The following TRABD2B variants were observed in gnomAD, a reference collection of about 807,000 sequenced individuals.
TRABD2B encodes the protein TraB domain containing 2B.
In TRABD2B, 14 loss-of-function variants were observed where a neutral mutation model predicts 40.1. The ratio of observed to expected loss-of-function variants is 0.35; its 90% confidence interval spans 0.23 to 0.55. TRABD2B has a LOEUF of 0.55. Ranked by LOEUF, TRABD2B falls within the 20% of genes least tolerant of loss-of-function variation. TRABD2B has a pLI of 0.90. For synonymous variants in TRABD2B, 263 were observed against 277.0 expected (o/e 0.95, Z 0.50); for missense variants, 541 against 648.6 (o/e 0.83, Z 1.80).
At chr1:47,955,046 A>C (rs1166573055) in intron 2 of TRABD2B, among the ~76,000 whole-genome samples, 1 of 152,060 alleles carries the variant, frequency 6.6e-6, no homozygotes, top group Non-Finnish European at 1.5e-5. Flanking sequence ...TGTGGGATGG[A>C]AATGGAATTC....
chr1:47,897,802 T>A (rs1644544686), intron 2 of TRABD2B, among the ~76,000 whole-genome samples: 1 of 152,176 alleles, frequency 6.6e-6, no homozygotes, highest in South Asian at 2.1e-4. Flanking sequence ...CTACTCTACC[T>A]CTCTGAGCTT....
intron 2 of TRABD2B, among the ~76,000 whole-genome samples, chr1:47,899,756 G>A (rs79307120): frequency 0.029 from 4,490 of 152,216 alleles, 221 homozygotes; most frequent in African/African-American, 0.1. Flanking sequence ...AAATGATAAT[G>A]AGCCCTGGTT....
intron 2 of TRABD2B, among the ~76,000 whole-genome samples, chr1:47,888,465 AGAGAGGAG>A (rs1644402869): frequency 6.6e-6 from 1 of 152,188 alleles, no homozygotes; most frequent in African/African-American, 2.4e-5. Flanking sequence ...CACTGGCTGC[AGAGAGGAG>A]GAGCCTGTGG....
chr1:47,933,232 A>G (rs1050459606), intron 2 of TRABD2B, among the ~76,000 whole-genome samples: 11 of 151,290 alleles, frequency 7.3e-5, no homozygotes, highest in Non-Finnish European at 1.0e-4. Flanking sequence ...CAGCCTCCTG[A>G]GTAGCTGGGA....
chr1:47,890,513 A>G (rs1466417717), intron 2 of TRABD2B, among the ~76,000 whole-genome samples: 1 of 152,150 alleles, frequency 6.6e-6, no homozygotes, highest in Admixed American at 6.5e-5. Flanking sequence ...CCTGGGCATC[A>G]GTGTTCTACA....
chr1:47,905,695 C>T (rs1020491878), intron 2 of TRABD2B, among the ~76,000 whole-genome samples: 4 of 152,120 alleles, frequency 2.6e-5, no homozygotes, highest in African/African-American at 9.7e-5. Context: ...TCTCTGCCTC[C>T]TTCTCTCTCT....
intron 4 of TRABD2B, among the ~76,000 whole-genome samples, chr1:47,785,786 T>C (rs771361192): frequency 6.6e-6 from 1 of 152,222 alleles, no homozygotes; most frequent in Non-Finnish European, 1.5e-5. Flanking sequence ...AGTCACTCTT[T>C]ACAACATCCA....
At chr1:47,871,519 C>A (rs1157944608) in intron 2 of TRABD2B, among the ~76,000 whole-genome samples, 1 of 152,226 alleles carries the variant, frequency 6.6e-6, no homozygotes, top group Non-Finnish European at 1.5e-5. Flanking sequence ...ATGAACCGCC[C>A]TGAATGGCCG....
At chr1:47,792,024 A>G (rs1644680450) in intron 4 of TRABD2B, among the ~76,000 whole-genome samples, 1 of 152,158 alleles carries the variant, frequency 6.6e-6, no homozygotes, top group African/African-American at 2.4e-5. Context: ...TCCAGCTTGG[A>G]AATTCTTGGG....
intron 2 of TRABD2B, among the ~76,000 whole-genome samples, chr1:47,840,175 T>G (rs1439413479): frequency 6.6e-6 from 1 of 152,162 alleles, no homozygotes; most frequent in Non-Finnish European, 1.5e-5. Flanking sequence ...GGCACTATCA[T>G]GTAGGGACTG....
intron 2 of TRABD2B, among the ~76,000 whole-genome samples, chr1:47,891,182 G>T (rs1644440213): frequency 6.6e-6 from 1 of 152,172 alleles, no homozygotes; most frequent in South Asian, 2.1e-4. Context: ...AGAAGTATTA[G>T]CTGTGAAAAT....
intron 2 of TRABD2B, among the ~76,000 whole-genome samples, chr1:47,916,964 C>A (rs1217717696): frequency 6.6e-6 from 1 of 152,238 alleles, no homozygotes; most frequent in Non-Finnish European, 1.5e-5. Flanking sequence ...TAAAACTGTT[C>A]TATGAAGCAG....
intron 2 of TRABD2B, among the ~76,000 whole-genome samples, chr1:47,937,315 T>C (rs781096133): frequency 4.6e-5 from 7 of 150,600 alleles, no homozygotes; most frequent in Admixed American, 2.0e-4. Flanking sequence ...ATCATGATCA[T>C]CACCATCACC....
chr1:47,950,222 T>C (rs1645322072), intron 2 of TRABD2B, among the ~76,000 whole-genome samples: 1 of 151,960 alleles, frequency 6.6e-6, no homozygotes, highest in Admixed American at 6.6e-5. Context: ...GAGACAGAGC[T>C]TGCAGTGAGC....
At chr1:47,836,014 A>G (rs1450331641) in intron 2 of TRABD2B, among the ~76,000 whole-genome samples, 6 of 152,242 alleles carry the variant, frequency 3.9e-5, no homozygotes, top group Non-Finnish European at 7.3e-5. Context: ...AATTTGTATG[A>G]CAATAATGGC....
intron 6 of TRABD2B, among the ~76,000 whole-genome samples, chr1:47,767,433 A>G (rs35834606): frequency 0.17 from 25,467 of 152,144 alleles, 2,282 homozygotes; most frequent in African/African-American, 0.23. Flanking sequence ...TGGACGGTGA[A>G]AAAAGAACGT....
chr1:47,894,902 A>G (rs1212876581), intron 2 of TRABD2B, among the ~76,000 whole-genome samples: 3 of 152,136 alleles, frequency 2.0e-5, no homozygotes, highest in Non-Finnish European at 2.9e-5. Context: ...AGACGTGGCC[A>G]CAGACAACCA....
intron 2 of TRABD2B, among the ~76,000 whole-genome samples, chr1:47,886,392 T>C (rs543569109): frequency 6.6e-6 from 1 of 152,336 alleles, no homozygotes; most frequent in Admixed American, 6.5e-5. Flanking sequence ...GTTTGCTTCT[T>C]GTTCCTCTCT....
intron 2 of TRABD2B, 125 bp downstream of exon 2, chr1:47,993,909 C>T (rs1220865749): frequency 1.1e-5 from 11 of 986,432 alleles, no homozygotes; most frequent in Admixed American, 2.8e-5. Context: ...AGCAGAACCT[C>T]TCCTTCCAGA....
Sources: gnomAD v4.1 joint callset for allele counts (sites outside exome capture counted in the v4.1 genomes callset) on GRCh38, gnomAD v4.1.1 for gene constraint, MANE v1.5 for transcripts, NCBI Gene and HGNC (gene_info 2026-07-23, HGNC 2026-07-21) for gene names.